Variants in COG6 observed in about 807,000 individuals in gnomAD.
The protein encoded by COG6 is conserved oligomeric Golgi complex subunit 6.
A neutral mutation model predicts 88.8 loss-of-function variants in COG6; 74 were observed. The ratio of observed to expected loss-of-function variants is 0.83; its 90% CI spans 0.69 to 1.01. The LOEUF (loss-of-function observed/expected upper bound fraction) is 1.01, where lower values mean the gene tolerates loss of function less well. Ranked by LOEUF, COG6 falls within the 50% of genes least tolerant of loss-of-function variation. The probability of loss-of-function intolerance (pLI) is 0.00; values close to 1 mark genes in which losing one functional copy is unlikely to be tolerated. For missense variants in COG6, 800 were observed against 797.9 expected, an observed-to-expected ratio of 1.00 and a Z score of -0.03; for synonymous variants, 286 against 278.7, an observed-to-expected ratio of 1.03 and a Z score of -0.26.
chr13:39,744,281 G>A (rs1670608088), intron 18 of COG6, among the ~76,000 whole-genome samples: 2 of 152,076 alleles, frequency 1.3e-5, no homozygotes, highest in Admixed American at 6.6e-5. Flanking sequence ...GAGAAATAAA[G>A]GATATTTAAT....
At chr13:39,784,066 T>C (rs1593489663) in intron 18 of COG6, among the ~76,000 whole-genome samples, 2 of 152,144 alleles carry the variant, frequency 1.3e-5, no homozygotes, top group East Asian at 3.9e-4. Flanking sequence ...CGGCTCCATC[T>C]GGTCACATAA....
chr13:39,733,421 C>A (rs1179887547), intron 18 of COG6, among the ~76,000 whole-genome samples: 2 of 151,920 alleles, frequency 1.3e-5, no homozygotes, highest in Non-Finnish European at 2.9e-5. Flanking sequence ...AAACTCCTGA[C>A]CTTGTGATCT....
At chr13:39,704,567 G>A (rs1877777584) in intron 13 of COG6, among the ~76,000 whole-genome samples, 1 of 152,130 alleles carries the variant, frequency 6.6e-6, no homozygotes, top group African/African-American at 2.4e-5. Context: ...AGAGAGACTG[G>A]TCTTGCTGTC....
chr13:39,733,305 C>T (rs1446424642), intron 18 of COG6, among the ~76,000 whole-genome samples: 1 of 151,422 alleles, frequency 6.6e-6, no homozygotes, highest in African/African-American at 2.4e-5. Flanking sequence ...ACTCTTCTGC[C>T]TCGGCCTCCT....
At chr13:39,699,654 A>C (rs1204926798) in intron 13 of COG6, 36 bp downstream of exon 13, 3 of 924,232 alleles carry the variant, frequency 3.2e-6, no homozygotes, top group Non-Finnish European at 5.4e-6. Flanking sequence ...AATTATGTGA[A>C]TGTTTCACAT....
At chr13:39,725,281 C>G (rs548813847) in intron 17 of COG6, among the ~76,000 whole-genome samples, 217 of 151,310 alleles carry the variant, frequency 1.4e-3, no homozygotes, top group African/African-American at 4.8e-3. Context: ...AGTGTTTTCC[C>G]TGTATTAACT....
chr13:39,679,336 A>G, intron 5 of COG6: 2 of 566,842 alleles, frequency 3.5e-6, no homozygotes, highest in Non-Finnish European at 6.4e-6. Flanking sequence ...TAGAAACTGA[A>G]TTAATATATT....
intron 18 of COG6, among the ~76,000 whole-genome samples, chr13:39,748,312 A>G (rs1038945547): frequency 6.6e-6 from 1 of 152,162 alleles, no homozygotes; most frequent in African/African-American, 2.4e-5. Flanking sequence ...CCACTAATCA[A>G]TAGATCAAAA....
intron 18 of COG6, among the ~76,000 whole-genome samples, chr13:39,737,178 CCT>C (rs756218405): frequency 6.6e-6 from 1 of 152,110 alleles, no homozygotes; most frequent in African/African-American, 2.4e-5. Context: ...ATAGAGTCTC[CCT>C]CTCTGTACTG....
chr13:39,768,838 T>C (rs940095770), intron 18 of COG6, among the ~76,000 whole-genome samples: 1 of 152,142 alleles, frequency 6.6e-6, no homozygotes, highest in Admixed American at 6.5e-5. Context: ...TGCCTGTGCA[T>C]ATGTATCCCA....
downstream of COG6, among the ~76,000 whole-genome samples, chr13:39,754,960 G>T (rs1477997761): frequency 7.2e-5 from 11 of 152,114 alleles, no homozygotes; most frequent in Admixed American, 5.9e-4. Flanking sequence ...ACTGTACATT[G>T]TTCAGTCTGA....
At chr13:39,696,819 A>T (rs1877302113) in intron 12 of COG6, among the ~76,000 whole-genome samples, 1 of 151,264 alleles carries the variant, frequency 6.6e-6, no homozygotes, top group Non-Finnish European at 1.5e-5. Flanking sequence ...GACAAAAGGG[A>T]AAATAAGGAA....
At chr13:39,774,606 G>A (rs1274922751) in intron 18 of COG6, among the ~76,000 whole-genome samples, 2 of 150,778 alleles carry the variant, frequency 1.3e-5, no homozygotes, top group Admixed American at 6.6e-5. Flanking sequence ...ACAGAGTCTC[G>A]CTCTGTCACG....
At chr13:39,730,929 C>T (rs1019578462) in intron 18 of COG6, among the ~76,000 whole-genome samples, 13 of 151,770 alleles carry the variant, frequency 8.6e-5, no homozygotes, top group African/African-American at 3.1e-4. Context: ...TCAAGTGATT[C>T]TCCTGCCTTA....
At chr13:39,783,726 G>A (rs371372917) in intron 18 of COG6, among the ~76,000 whole-genome samples, 2 of 152,206 alleles carry the variant, frequency 1.3e-5, no homozygotes, top group African/African-American at 2.4e-5. Context: ...ACCAACAAAT[G>A]ACCTAGAATC....
At chr13:39,674,284 A>G (rs1341426724) in intron 4 of COG6, among the ~76,000 whole-genome samples, 1 of 150,022 alleles carries the variant, frequency 6.7e-6, no homozygotes, top group East Asian at 2.0e-4. Flanking sequence ...ATGAATCGAC[A>G]TGTTTCTCAT....
intron 4 of COG6, among the ~76,000 whole-genome samples, 167 bp from the exon 5 acceptor site, chr13:39,677,301 T>C (rs577952482): frequency 2.0e-5 from 3 of 152,302 alleles, no homozygotes; most frequent in Admixed American, 2.0e-4. Flanking sequence ...ATCACCTACA[T>C]GTCTGATAAA....
chr13:39,725,632 A>T (rs1358174630), intron 17 of COG6, among the ~76,000 whole-genome samples: 1 of 152,016 alleles, frequency 6.6e-6, no homozygotes, highest in East Asian at 1.9e-4. Flanking sequence ...TGAGACAAAT[A>T]AGAAACATTA....
intron 3 of COG6, among the ~76,000 whole-genome samples, chr13:39,663,358 A>C (rs1415746689): frequency 6.6e-6 from 1 of 152,166 alleles, no homozygotes; most frequent in Admixed American, 6.5e-5. Context: ...GACTAGCCTA[A>C]AAAGCTAGTA....
Sources: gnomAD v4.1 joint callset for allele counts (sites outside exome capture counted in the v4.1 genomes callset) on GRCh38, gnomAD v4.1.1 for gene constraint, MANE v1.5 for transcripts, NCBI Gene and HGNC (gene_info 2026-07-23, HGNC 2026-07-21) for gene names.